Variants in NRBP1 observed in about 807,000 individuals in gnomAD.
NRBP1 encodes the protein nuclear receptor binding protein 1, also known as nuclear receptor-binding protein.
A neutral mutation model predicts 76.0 loss-of-function variants in NRBP1; 10 were observed. The ratio of observed to expected loss-of-function variants is 0.13; its 90% confidence interval spans 0.08 to 0.22. NRBP1 has a LOEUF of 0.22. Among genes scored for constraint, NRBP1 ranks in the 10% least tolerant of loss-of-function variants. The probability of loss-of-function intolerance (pLI) is 1.00; values close to 1 mark genes in which losing one functional copy is unlikely to be tolerated. For synonymous variants in NRBP1, 235 were observed against 240.2 expected, an observed-to-expected ratio of 0.98 and a Z score of 0.20; for missense variants, 344 against 646.0, an observed-to-expected ratio of 0.53 and a Z score of 5.07.
chr2:27,439,957 C>T lies in NRBP1; in HGVS notation c.1036+59C>T, dbSNP rs1387450387. 1.2e-5 allele frequency: 15 copies of T among 1,287,256 alleles called. No homozygotes were observed. In the East Asian group the frequency reaches 4.2e-4, roughly 36 times the overall value. 79.7% of individuals were successfully genotyped at this position (1,287,256 alleles called of 1,614,324 possible). Reference sequence around the variant, plus strand: ...CCAATCTGGAGCCCTGTAACTATCACTGGCATGCTTGTTTTCCTCTTTATT... The same window carrying T: ...CCAATCTGGAGCCCTGTAACTATCATTGGCATGCTTGTTTTCCTCTTTATT... On this transcript the variant is annotated intron_variant, in intron 11 of 17. Coordinates refer to ENST00000379852, the MANE Select transcript of NRBP1 (RefSeq NM_013392.4).
At chr2:27,436,973 T>A in intron 8 of NRBP1, 74 bp from the exon 9 acceptor site, 1 of 1,507,572 alleles carries the variant, frequency 6.6e-7, no homozygotes, top group Non-Finnish European at 9.1e-7. Context: ...TTCTTTTTTT[T>A]TTTTCCTAAG....
intron 6 of NRBP1, 178 bp downstream of exon 6, chr2:27,434,940 G>A (rs976361668): frequency 1.0e-5 from 7 of 681,186 alleles, no homozygotes; most frequent in Non-Finnish European, 1.3e-5. Context: ...CCCTAACCAC[G>A]ACACTTATCT....
At chr2:27,437,446 T>C in intron 10 of NRBP1, 86 bp downstream of exon 10, 3 of 931,802 alleles carry the variant, frequency 3.2e-6, no homozygotes, top group Admixed American at 2.2e-5. Context: ...GGGTATATGC[T>C]CCTAAGAGCT....
At position 27,436,971 on chromosome 2, in the gene NRBP1, T is replaced by G. The variant is rs962181483; in HGVS notation, c.746-76T>G. ...TACAAAATATTTTTCTTTTCTTTTTTTTTTTTCCTAAGGCATTCCTGCCAA... is the reference window on the plus strand; with the variant it reads ...TACAAAATATTTTTCTTTTCTTTTTGTTTTTTCCTAAGGCATTCCTGCCAA... On this transcript the variant is annotated intron_variant, in intron 8 of 17. Transcript: ENST00000379852. 7.7e-5 allele frequency: 115 copies of G among 1,502,828 alleles called. 1 individual carries two copies. The South Asian group carries it at 1.4e-3, about 18-fold the overall frequency. 93.1% of individuals were successfully genotyped at this position (1,502,828 alleles called of 1,614,324 possible).
rs1558340209 is a variant in NRBP1, at chr2:27,440,765, GTTCACAGAGCCCATGTGACCTGTC to G, written c.1194-35_1194-12del. 1.2e-6 allele frequency: 2 copies of G among 1,614,078 alleles called. No individual in the cohort carries two copies. The highest frequency in any genetic ancestry group is 3.3e-5 in the Admixed American group (2 of 60,026). On this transcript the variant is annotated splice_polypyrimidine_tract_variant and intron_variant, in intron 13 of 17. Coordinates refer to ENST00000379852, the MANE Select transcript of NRBP1 (RefSeq NM_013392.4). ...CAGGCGGGGTTGGGTATCCTAAGGC[GTTCACAGAGCCCATGTGACCTGTC>G]TTCATCTCCCTCCAGGAATGGGATC...
At chr2:27,434,434 A>T in intron 4 of NRBP1, 37 bp from the exon 5 acceptor site, 1 of 1,352,752 alleles carries the variant, frequency 7.4e-7, no homozygotes, top group Admixed American at 1.8e-5. Flanking sequence ...GATCATTTCT[A>T]CTATAAGGCC....
upstream of NRBP1, chr2:27,428,437 G>C: frequency 2.6e-6 from 1 of 386,076 alleles, no homozygotes; most frequent in Non-Finnish European, 4.6e-6. Flanking sequence ...CCCCAGCTGG[G>C]ACCGAAAACA....
At position 27,433,703 on chromosome 2, in the gene NRBP1, A is replaced by G; in HGVS notation, c.241A>G (p.Ser81Gly). 6.2e-7 allele frequency: 1 copy of G among 1,613,866 alleles called. No individual in the cohort carries two copies. ...VNQRNVPGIDSAYLAMDTEEG... is the reference protein window; with the variant it reads ...VNQRNVPGIDGAYLAMDTEEG... ...TCAACGGAATGTACCAGGTATTGACAGTGCATACCTGGCCATGGATACAGA... is the reference window on the plus strand; with the variant it reads ...TCAACGGAATGTACCAGGTATTGACGGTGCATACCTGGCCATGGATACAGA... Residue 81 changes from serine (S) to glycine (G), a missense_variant, in exon 3 of 18, where the codon AGT becomes GGT. Ser to Gly is a moderately conservative substitution (Grantham distance 56). Around this residue, in one of 3 missense-constraint regions of NRBP1, gnomAD observed 73 missense variants for 287.8 expected, o/e 0.25. Coordinates refer to ENST00000379852, the MANE Select transcript of NRBP1 (RefSeq NM_013392.4).
intron 6 of NRBP1, 127 bp downstream of exon 6, chr2:27,434,889 AT>A (rs1469449081): frequency 2.9e-6 from 3 of 1,018,820 alleles, no homozygotes; most frequent in Non-Finnish European, 4.6e-6. Flanking sequence ...TACTGTCAAG[AT>A]TAGGGCCCCT....
rs201785348 is a variant in NRBP1, at chr2:27,441,627, G to A, written c.1503+5G>A. On this transcript the variant is annotated splice_donor_5th_base_variant and intron_variant, in intron 17 of 17. Coordinates refer to ENST00000379852, the MANE Select transcript of NRBP1 (RefSeq NM_013392.4). ...CAGCTGGGCTTCATTAGTGAGGTGA[G>A]GTTTCTGCCTTCATCTGCCCTGGCT... 195 of 1,613,930 alleles carry A rather than the reference G, an allele frequency of 1.2e-4. No homozygotes were observed. Among genetic ancestry groups the A allele is most frequent in the Non-Finnish European group, 1.5e-4 (182 of 1,179,996 alleles).
chr2:27,429,386 C>T (rs1022452223), intron 1 of NRBP1: 1 of 152,386 alleles, frequency 6.6e-6, no homozygotes, highest in East Asian at 1.9e-4. Context: ...GCTGAGAGGC[C>T]TGGGCCCGTG....
In NRBP1 at chr2:27,428,643, G is replaced by T; in HGVS notation, c.-109G>T. 2.5e-6 allele frequency: 1 copy of T among 398,096 alleles called. No individual in the cohort carries two copies. Among genetic ancestry groups the T allele is most frequent in the Non-Finnish European group, 4.4e-6 (1 of 225,676 alleles). The allele number at this position is 398,096 out of a possible 1,614,324, so 24.7% of individuals were successfully genotyped here. On this transcript the variant is annotated 5_prime_UTR_variant, in exon 1 of 18. Coordinates refer to ENST00000379852, the MANE Select transcript of NRBP1 (RefSeq NM_013392.4). Reference sequence around the variant, plus strand: ...GGGCCCGCAGTTCGGTTGCGCTGCGGAGCGCAGCTGTGAGGGAGTCGCTGT... The same window carrying T: ...GGGCCCGCAGTTCGGTTGCGCTGCGTAGCGCAGCTGTGAGGGAGTCGCTGT...
chr2:27,431,018 A>G (rs1276441112), intron 1 of NRBP1, among the ~76,000 whole-genome samples: 1 of 152,132 alleles, frequency 6.6e-6, no homozygotes, highest in Non-Finnish European at 1.5e-5. Flanking sequence ...GAAATAACCT[A>G]GGCTGGGTGT....
In NRBP1 at chr2:27,431,306, C is replaced by T. The variant is rs554328335; in HGVS notation, c.-20-1948C>T. Among the ~76,000 whole-genome samples the T allele has an allele frequency of 2.6e-5, 4 of 152,096 alleles. No homozygotes were observed. The South Asian group carries it at 8.3e-4, about 32-fold the overall frequency. On this transcript the variant is annotated intron_variant, in intron 1 of 17. Coordinates refer to ENST00000379852, the MANE Select transcript of NRBP1 (RefSeq NM_013392.4). ...CAGAGTGAGACTCCATCCCCTCTGC[C>T]AAAAAATAAATAACCTATATCAGAT...
chr2:27,429,064 C>G (rs1437461331), intron 1 of NRBP1: 2 of 182,598 alleles, frequency 1.1e-5, no homozygotes, highest in Middle Eastern at 2.0e-3. Flanking sequence ...GGGCGGCGGT[C>G]GCGGCCCGGC....
At position 27,437,115 on chromosome 2, in the gene NRBP1, C is replaced by G. The variant is rs1175978153; in HGVS notation, c.804+10C>G. The G allele has an allele frequency of 1.2e-6, 2 of 1,611,104 alleles. No individual in the cohort carries two copies. The highest frequency in any genetic ancestry group is 2.2e-5 in the South Asian group (2 of 91,008). On this transcript the variant is annotated intron_variant, in intron 9 of 17. Coordinates refer to ENST00000379852, the MANE Select transcript of NRBP1 (RefSeq NM_013392.4). ...CATGTGTGCACTGGAGGTGAGGGGA[C>G]TGGAGGGGAGGGGGGAAAGGGGTCA...
intron 10 of NRBP1, among the ~76,000 whole-genome samples, chr2:27,437,696 C>T (rs1030120544): frequency 2.6e-5 from 4 of 151,344 alleles, no homozygotes; most frequent in African/African-American, 7.3e-5. Context: ...ATGGTGAAAC[C>T]CTGTCTCTAC....
upstream of NRBP1, chr2:27,428,203 G>T: frequency 6.4e-6 from 1 of 156,136 alleles, no homozygotes; most frequent in Non-Finnish European, 1.4e-5. Flanking sequence ...AAAGCTTTCC[G>T]GAGAATTGGC....
chr2:27,436,591 T>C (rs927362292), intron 7 of NRBP1, 162 bp from the exon 8 acceptor site: 74 of 618,468 alleles, frequency 1.2e-4, no homozygotes, highest in Non-Finnish European at 5.2e-5. Context: ...GGCATCCATG[T>C]GTGGTCTGTA....
Sources: allele counts gnomAD v4.1 joint callset (sites outside exome capture counted in the v4.1 genomes callset), GRCh38; gene constraint gnomAD v4.1.1; regional missense constraint gnomAD v4.1.1; transcripts MANE v1.5; gene names NCBI Gene and HGNC (gene_info 2026-07-23, HGNC 2026-07-21).